Variants in SUFU observed in about 807,000 individuals in gnomAD.
The protein encoded by SUFU is suppressor of fused homolog.
SUFU carries 7 observed loss-of-function variants against 58.9 expected under a neutral mutation model. That is an observed-to-expected ratio of 0.12 (90% CI 0.07 to 0.22). SUFU has a LOEUF of 0.22. Among genes scored for constraint, SUFU ranks in the 10% least tolerant of loss-of-function variants. SUFU has a pLI of 1.00. For synonymous variants in SUFU, 232 were observed against 254.8 expected, an observed-to-expected ratio of 0.91 and a Z score of 0.85; for missense variants, 451 against 641.3, an observed-to-expected ratio of 0.70 and a Z score of 3.20.
At chr10:102,527,498 G>GATAT (rs60387903) in intron 2 of SUFU, among the ~76,000 whole-genome samples, 36,316 of 148,102 alleles carry the variant, frequency 0.25, 4,776 homozygotes, top group South Asian at 0.34. Flanking sequence ...ATACCATTAA[G>GATAT]ATATATATAT....
chr10:102,605,514 C>G (rs1219580896), intron 8 of SUFU, among the ~76,000 whole-genome samples: 1 of 152,130 alleles, frequency 6.6e-6, no homozygotes, highest in Non-Finnish European at 1.5e-5. Flanking sequence ...AAAGAAAATA[C>G]TGCATTTTGT....
intron 3 of SUFU, among the ~76,000 whole-genome samples, chr10:102,568,900 ATATAT>A (rs2063126433): frequency 2.9e-4 from 2 of 6,958 alleles, no homozygotes; most frequent in Non-Finnish European, 5.2e-4. Flanking sequence ...AAAAAAAAAT[ATATAT>A]ATATATATAT....
chr10:102,535,262 G>A (rs367858073), intron 2 of SUFU, among the ~76,000 whole-genome samples: 1 of 152,256 alleles, frequency 6.6e-6, no homozygotes, highest in Non-Finnish European at 1.5e-5. Context: ...TGAGGCAGGC[G>A]GATCATGAGG....
At chr10:102,548,570 G>A (rs1427953379) in intron 2 of SUFU, among the ~76,000 whole-genome samples, 4 of 152,220 alleles carry the variant, frequency 2.6e-5, no homozygotes, top group Non-Finnish European at 1.5e-5. Flanking sequence ...GTTTACAGGT[G>A]TATAATCATT....
chr10:102,506,042 A>G lies in SUFU; in HGVS notation c.182+1708A>G, dbSNP rs886878512. 1.4e-3 allele frequency among the ~76,000 whole-genome samples: 199 copies of G among 139,008 alleles called. 4 individuals carry two copies. The highest frequency in any genetic ancestry group is 6.2e-3 in the East Asian group (31 of 4,974). 91.2% of individuals were successfully genotyped at this position (139,008 alleles called of 152,430 possible). Reference sequence around the variant, plus strand: ...CCAGACCCTAACTCTGTTATTTGAAAAAAAAAAAAAAAAAAAAAAAAAAAG... The same window carrying G: ...CCAGACCCTAACTCTGTTATTTGAAGAAAAAAAAAAAAAAAAAAAAAAAAG... On this transcript the variant is annotated intron_variant, in intron 1 of 11. Transcript: ENST00000369902.
At chr10:102,553,759 G>T (rs1241548872) in intron 3 of SUFU, among the ~76,000 whole-genome samples, 1 of 147,660 alleles carries the variant, frequency 6.8e-6, no homozygotes, top group East Asian at 2.4e-4. Context: ...CACCGCGCCC[G>T]GCCACAAAGG....
chr10:102,627,913 G>A (rs1164981084), intron 11 of SUFU, among the ~76,000 whole-genome samples: 1 of 152,102 alleles, frequency 6.6e-6, no homozygotes, highest in Non-Finnish European at 1.5e-5. Flanking sequence ...CCTCATCCTG[G>A]AAAATCCCTT....
At chr10:102,539,133 T>C (rs1054128321) in intron 2 of SUFU, among the ~76,000 whole-genome samples, 1 of 152,226 alleles carries the variant, frequency 6.6e-6, no homozygotes, top group Admixed American at 6.5e-5. Flanking sequence ...CAAGACAAGT[T>C]GGTCACCCTG....
At chr10:102,562,642 G>C (rs966212701) in intron 3 of SUFU, among the ~76,000 whole-genome samples, 3 of 152,230 alleles carry the variant, frequency 2.0e-5, no homozygotes, top group Non-Finnish European at 2.9e-5. Context: ...TGTAATCCCA[G>C]CACTTTGGGA....
Position 102,619,257 on chromosome 10 carries a change from C to T in SUFU, c.1296+1829C>T, listed in dbSNP as rs2063719329. ...AACCCCAATTCCCCAAGCCCCTGACCCCCTAGCTGCCGGGGTTCCCACTCC... is the reference window on the plus strand; with the variant it reads ...AACCCCAATTCCCCAAGCCCCTGACTCCCTAGCTGCCGGGGTTCCCACTCC... On this transcript the variant is annotated intron_variant, in intron 10 of 11. Transcript: ENST00000369902. This position sits in a 1 kb window ranked among gnomAD's most constrained non-coding sequence, Gnocchi z 4.2. 7 of 1,464,718 alleles carry T rather than the reference C, an allele frequency of 4.8e-6. No homozygotes were observed. The South Asian group carries it at 5.5e-5, about 12-fold the overall frequency. The allele number at this position is 1,464,718 out of a possible 1,614,324, so 90.7% of individuals were successfully genotyped here.
intron 2 of SUFU, among the ~76,000 whole-genome samples, chr10:102,516,129 T>C (rs75587722): frequency 8.5e-4 from 61 of 71,814 alleles, no homozygotes; most frequent in African/African-American, 2.2e-3. Context: ...TCTTTTCTTT[T>C]TTTTTTTTTT....
At chr10:102,604,644 A>G (rs529252115) in intron 8 of SUFU, among the ~76,000 whole-genome samples, 2 of 152,326 alleles carry the variant, frequency 1.3e-5, no homozygotes, top group African/African-American at 4.8e-5. Flanking sequence ...AGCTAGAGAA[A>G]GGAAATGACT....
At chr10:102,618,182 G>A (rs2063706403) in intron 10 of SUFU, 1 of 152,700 alleles carries the variant, frequency 6.5e-6, no homozygotes, top group Non-Finnish European at 1.5e-5. Context: ...GTTGCGGGTG[G>A]GGAGAGGATT....
chr10:102,619,123 G>A lies in SUFU; in HGVS notation c.1296+1695G>A, dbSNP rs2135939444. ...GTCCTGGAACGTCTTTCTGCCCTGAGGAGAGGGTAGTCAGCATCTCCAATT... is the reference window on the plus strand; with the variant it reads ...GTCCTGGAACGTCTTTCTGCCCTGAAGAGAGGGTAGTCAGCATCTCCAATT... On this transcript the variant is annotated intron_variant, in intron 10 of 11. Transcript: ENST00000369902. The surrounding 1 kb of genome is among the most constrained non-coding windows in gnomAD (Gnocchi z 4.2). 1 of 1,612,620 alleles carries A rather than the reference G, an allele frequency of 6.2e-7. No individual in the cohort carries two copies. Among genetic ancestry groups the A allele is most frequent in the South Asian group, 1.1e-5 (1 of 91,084 alleles).
At position 102,504,060 on chromosome 10, in the gene SUFU, A is replaced by T. The variant is rs1393750028; in HGVS notation, c.-93A>T. 1 of 1,438,404 alleles carries T rather than the reference A, an allele frequency of 7.0e-7. No homozygotes were observed. The highest frequency in any genetic ancestry group is 9.1e-7 in the Non-Finnish European group (1 of 1,093,878). 89.1% of individuals were successfully genotyped at this position (1,438,404 alleles called of 1,614,324 possible). ...CGCTGCAGCCCCCATCGCCTCGGGGAGTCTCACCCACCGAGTCCGCCCGCT... is the reference window on the plus strand; with the variant it reads ...CGCTGCAGCCCCCATCGCCTCGGGGTGTCTCACCCACCGAGTCCGCCCGCT... On this transcript the variant is annotated 5_prime_UTR_variant, in exon 1 of 12. Coordinates refer to ENST00000369902, the MANE Select transcript of SUFU (RefSeq NM_016169.4).
chr10:102,577,137 G>T (rs1231222596), intron 3 of SUFU, among the ~76,000 whole-genome samples: 1 of 135,598 alleles, frequency 7.4e-6, no homozygotes, highest in East Asian at 2.2e-4. Flanking sequence ...AGTCTGGAGT[G>T]CAGTGGCACC....
At chr10:102,559,281 C>T (rs1354246524) in intron 3 of SUFU, among the ~76,000 whole-genome samples, 6 of 152,098 alleles carry the variant, frequency 3.9e-5, no homozygotes, top group East Asian at 1.9e-4. Context: ...GGGCCTGGCT[C>T]GCAGAAGGGA....
At chr10:102,549,077 C>G (rs2062882591) in intron 2 of SUFU, among the ~76,000 whole-genome samples, 2 of 152,118 alleles carry the variant, frequency 1.3e-5, no homozygotes, top group Non-Finnish European at 2.9e-5. Flanking sequence ...TGCCTTAGGA[C>G]CTGTCCACAA....
At chr10:102,621,545 T>A (rs1366489926) in intron 10 of SUFU, among the ~76,000 whole-genome samples, 1 of 152,060 alleles carries the variant, frequency 6.6e-6, no homozygotes, top group African/African-American at 2.4e-5. Flanking sequence ...GTTGGGGGTG[T>A]TCTCCAGGCT....
Sources: gnomAD v4.1 joint callset for allele counts (sites outside exome capture counted in the v4.1 genomes callset) on GRCh38, gnomAD v4.1.1 for gene constraint, Gnocchi (gnomAD v3.1) non-coding constraint, MANE v1.5 for transcripts, NCBI Gene and HGNC (gene_info 2026-07-23, HGNC 2026-07-21) for gene names.